Variants in PTPRN2 observed in about 807,000 individuals in gnomAD.
PTPRN2 encodes the protein protein tyrosine phosphatase receptor type N2.
In PTPRN2, 74 loss-of-function variants were observed where a neutral mutation model predicts 118.8. The observed-to-expected ratio is 0.62, with a 90% CI of 0.52 to 0.76. The LOEUF (loss-of-function observed/expected upper bound fraction) is 0.76, where lower values mean the gene tolerates loss of function less well. PTPRN2 is among the 30% of genes least tolerant of loss of function. The pLI is 0.00. For synonymous variants in PTPRN2, 641 were observed against 608.0 expected (o/e 1.05, Z -0.80); for missense variants, 1,481 against 1,394.4 (o/e 1.06, Z -0.99).
chr7:158,568,804 TATCACAC>T (rs1341376939), intron 1 of PTPRN2, among the ~76,000 whole-genome samples: 1 of 152,152 alleles, frequency 6.6e-6, no homozygotes, highest in Non-Finnish European at 1.5e-5. Context: ...AAAACTTTCC[TATCACAC>T]TTCTTTTAAA....
At chr7:158,257,465 G>A (rs903139746) in intron 3 of PTPRN2, among the ~76,000 whole-genome samples, 7 of 152,140 alleles carry the variant, frequency 4.6e-5, no homozygotes, top group Admixed American at 2.0e-4. Flanking sequence ...TCTGACATTC[G>A]AATCCAGTCA....
intron 13 of PTPRN2, among the ~76,000 whole-genome samples, chr7:157,666,970 C>T (rs574700568): frequency 4.1e-5 from 6 of 147,952 alleles, no homozygotes; most frequent in Admixed American, 6.7e-5. Flanking sequence ...CTGGCTTGCA[C>T]GCTCAGCCTG....
chr7:157,994,214 G>T (rs1321096307), intron 11 of PTPRN2, among the ~76,000 whole-genome samples: 2 of 152,152 alleles, frequency 1.3e-5, no homozygotes, highest in African/African-American at 4.8e-5. Flanking sequence ...GGTCAGGGCA[G>T]GTGACTCGCT....
At chr7:158,025,514 C>T (rs576274505) in intron 11 of PTPRN2, among the ~76,000 whole-genome samples, 12 of 152,286 alleles carry the variant, frequency 7.9e-5, no homozygotes, top group African/African-American at 2.6e-4. Flanking sequence ...CCTGTGGGAA[C>T]ACAACTGCTT....
intron 12 of PTPRN2, among the ~76,000 whole-genome samples, chr7:157,882,154 G>A (rs1796169390): frequency 6.9e-6 from 1 of 145,598 alleles, no homozygotes; most frequent in African/African-American, 2.6e-5. Context: ...AACAGAACAT[G>A]CCACCCCAAA....
At chr7:158,076,511 C>T (rs1269702755) in intron 11 of PTPRN2, among the ~76,000 whole-genome samples, 8 of 152,258 alleles carry the variant, frequency 5.3e-5, no homozygotes, top group East Asian at 1.9e-4. Flanking sequence ...TCCACCTCAG[C>T]GGAGCTGATT....
intron 2 of PTPRN2, among the ~76,000 whole-genome samples, chr7:158,414,145 A>G (rs1027328496): frequency 1.3e-5 from 2 of 151,772 alleles, no homozygotes; most frequent in Non-Finnish European, 2.9e-5. Flanking sequence ...GTTCTAGCAA[A>G]TCCTCTACCA....
At chr7:158,314,649 C>T (rs998051236) in intron 3 of PTPRN2, among the ~76,000 whole-genome samples, 5 of 149,426 alleles carry the variant, frequency 3.3e-5, no homozygotes, top group Admixed American at 2.7e-4. Context: ...GGGAGCTGCC[C>T]GGCGCCCTGG....
intron 6 of PTPRN2, among the ~76,000 whole-genome samples, chr7:158,147,631 C>G (rs1820274050): frequency 8.3e-6 from 1 of 121,140 alleles, no homozygotes; most frequent in African/African-American, 3.5e-5. Flanking sequence ...CGTGTCTTTC[C>G]CCCTCAATGA....
At chr7:157,773,151 C>CGTT (rs1346797797) in intron 12 of PTPRN2, among the ~76,000 whole-genome samples, 5 of 152,200 alleles carry the variant, frequency 3.3e-5, no homozygotes, top group African/African-American at 1.2e-4. Context: ...GCGAGGACCT[C>CGTT]GTTCTAGGCA....
At chr7:158,019,216 G>T (rs1173391008) in intron 11 of PTPRN2, among the ~76,000 whole-genome samples, 1 of 152,248 alleles carries the variant, frequency 6.6e-6, no homozygotes, top group Non-Finnish European at 1.5e-5. Context: ...CACAGCTGCA[G>T]GGGCCTCCCC....
chr7:157,699,892 T>C (rs1797984895), intron 12 of PTPRN2, among the ~76,000 whole-genome samples: 1 of 152,218 alleles, frequency 6.6e-6, no homozygotes, highest in Non-Finnish European at 1.5e-5. Context: ...GGATGCACGC[T>C]GGCATTCTAG....
At chr7:158,374,569 A>G (rs1392280367) in intron 2 of PTPRN2, among the ~76,000 whole-genome samples, 2 of 152,246 alleles carry the variant, frequency 1.3e-5, no homozygotes, top group African/African-American at 2.4e-5. Flanking sequence ...AAAGAAAAAA[A>G]GAAAGAACAA....
At chr7:157,584,758 G>C (rs972701298) in intron 17 of PTPRN2, among the ~76,000 whole-genome samples, 1 of 152,218 alleles carries the variant, frequency 6.6e-6, no homozygotes. Context: ...TCACTCCTTA[G>C]GAGCTCACCG....
At chr7:158,487,966 ATCTGGATATGATGTTGAGACGACTCTATG>A (rs1217778411) in intron 2 of PTPRN2, among the ~76,000 whole-genome samples, 137 of 152,308 alleles carry the variant, frequency 9.0e-4, no homozygotes, top group African/African-American at 3.0e-3. Flanking sequence ...CACAGTCATT[ATCTGGATATGATGTTGAGACGACTCTATG>A]TCTGGGAGGC....
chr7:158,331,010 G>A (rs1259927906), intron 2 of PTPRN2, among the ~76,000 whole-genome samples: 6 of 127,346 alleles, frequency 4.7e-5, no homozygotes, highest in South Asian at 3.0e-4. Flanking sequence ...ACCCGCAGAC[G>A]TCACTCACAT....
chr7:158,489,595 G>T, intron 2 of PTPRN2, 140 bp downstream of exon 2: 1 of 811,532 alleles, frequency 1.2e-6, no homozygotes, highest in Non-Finnish European at 1.8e-6. Context: ...TGGCTCCGGG[G>T]TTCCATCCGC....
At chr7:158,160,531 G>T (rs1822266885) in intron 6 of PTPRN2, among the ~76,000 whole-genome samples, 1 of 152,168 alleles carries the variant, frequency 6.6e-6, no homozygotes, top group African/African-American at 2.4e-5. Flanking sequence ...CTCAATAAAT[G>T]AAGAATGTCC....
chr7:158,286,028 C>T (rs768832940), intron 3 of PTPRN2, among the ~76,000 whole-genome samples: 1 of 152,210 alleles, frequency 6.6e-6, no homozygotes, highest in Non-Finnish European at 1.5e-5. Context: ...CATTTATCAA[C>T]AGCCATCGGG....
Sources: allele counts gnomAD v4.1 joint callset (sites outside exome capture counted in the v4.1 genomes callset), GRCh38; gene constraint gnomAD v4.1.1; transcripts MANE v1.5; gene names NCBI Gene and HGNC (gene_info 2026-07-23, HGNC 2026-07-21).